Variants in LRP1B observed in about 807,000 individuals in gnomAD.
The protein encoded by LRP1B is low-density lipoprotein receptor-related protein 1B.
In LRP1B, 217 loss-of-function variants were observed where a neutral mutation model predicts 556.6. That is an observed-to-expected ratio of 0.39 (90% CI 0.35 to 0.44). The LOEUF is 0.44. LRP1B is among the 20% of genes least tolerant of loss of function. The pLI is 1.00. For synonymous variants in LRP1B, 2,047 were observed against 1,865.8 expected (o/e 1.10, Z -2.50); for missense variants, 5,053 against 5,620.8 (o/e 0.90, Z 3.23).
At chr2:141,814,855 G>A (rs1178388002) in intron 1 of LRP1B, among the ~76,000 whole-genome samples, 1 of 151,488 alleles carries the variant, frequency 6.6e-6, no homozygotes, top group Non-Finnish European at 1.5e-5. Context: ...GTGAGAAGAG[G>A]GTGGGGCATG....
intron 3 of LRP1B, among the ~76,000 whole-genome samples, chr2:141,393,087 G>C (rs76162632): frequency 1.3e-5 from 2 of 152,200 alleles, no homozygotes; most frequent in Non-Finnish European, 2.9e-5. Flanking sequence ...ACCCATATTG[G>C]ATGGCCAAAC....
At chr2:140,784,843 T>C (rs1689840520) in intron 32 of LRP1B, among the ~76,000 whole-genome samples, 1 of 151,550 alleles carries the variant, frequency 6.6e-6, no homozygotes, top group Non-Finnish European at 1.5e-5. Flanking sequence ...AGGAAGGAAA[T>C]AAACAGAAAA....
intron 1 of LRP1B, among the ~76,000 whole-genome samples, chr2:141,912,591 A>T (rs1007786030): frequency 5.9e-5 from 9 of 152,050 alleles, no homozygotes; most frequent in Non-Finnish European, 1.3e-4. Context: ...GAGAGTCGTT[A>T]TTTACTACAT....
intron 3 of LRP1B, among the ~76,000 whole-genome samples, chr2:141,266,536 A>T (rs946210136): frequency 2.6e-5 from 4 of 152,206 alleles, no homozygotes; most frequent in South Asian, 4.1e-4. Flanking sequence ...TTTTTTAAAA[A>T]ATCTGAGAGT....
intron 35 of LRP1B, among the ~76,000 whole-genome samples, chr2:140,728,113 C>T (rs761431150): frequency 1.3e-5 from 2 of 151,572 alleles, no homozygotes; most frequent in African/African-American, 2.4e-5. Flanking sequence ...GCTTGTCTAG[C>T]TTTTGTGTCC....
At chr2:141,866,113 G>T (rs959762747) in intron 1 of LRP1B, among the ~76,000 whole-genome samples, 1 of 152,186 alleles carries the variant, frequency 6.6e-6, no homozygotes, top group South Asian at 2.1e-4. Flanking sequence ...AGGGACATAG[G>T]CTATGTTTTT....
chr2:140,813,963 T>C (rs1302653361), intron 31 of LRP1B, among the ~76,000 whole-genome samples, 157 bp from the exon 32 acceptor site: 1 of 151,928 alleles, frequency 6.6e-6, no homozygotes, highest in African/African-American at 2.4e-5. Context: ...ACATATGGTG[T>C]TTTGGGTTTT....
intron 2 of LRP1B, among the ~76,000 whole-genome samples, chr2:141,491,766 G>T (rs1683342854): frequency 6.6e-6 from 1 of 152,124 alleles, no homozygotes; most frequent in Non-Finnish European, 1.5e-5. Context: ...ATGTGTTAGA[G>T]ATTGCCTCTG....
At chr2:140,972,770 G>A (rs968496615) in intron 18 of LRP1B, among the ~76,000 whole-genome samples, 1 of 151,640 alleles carries the variant, frequency 6.6e-6, no homozygotes, top group Non-Finnish European at 1.5e-5. Context: ...CTCCGAAACT[G>A]AGAGAAAATT....
intron 3 of LRP1B, among the ~76,000 whole-genome samples, chr2:141,455,972 G>A (rs958343459): frequency 6.6e-6 from 1 of 152,168 alleles, no homozygotes; most frequent in Non-Finnish European, 1.5e-5. Flanking sequence ...AGAAAATCAA[G>A]GTTTGAGGCT....
chr2:140,782,426 G>A (rs1242980736), intron 32 of LRP1B, among the ~76,000 whole-genome samples: 1 of 152,052 alleles, frequency 6.6e-6, no homozygotes, highest in Non-Finnish European at 1.5e-5. Context: ...TATGCACTGA[G>A]GAAAGGCCAT....
intron 3 of LRP1B, among the ~76,000 whole-genome samples, chr2:141,359,033 G>A (rs1223726654): frequency 6.6e-6 from 1 of 151,828 alleles, no homozygotes; most frequent in East Asian, 1.9e-4. Flanking sequence ...TTTTAAAAAT[G>A]TACATACTAT....
rs1680060505 is a variant in LRP1B, at chr2:140,539,649, T to A, written c.7513+1324A>T. The stretch of plus-strand genomic sequence containing the variant: ...GCTTCACTACTAGCCTGAAGTGACC[T>A]GTGAAAGAAACATGAGTGATTCTAA... On this transcript the variant is annotated intron_variant, in intron 45 of 90. Coordinates refer to ENST00000389484, the MANE Select transcript of LRP1B (RefSeq NM_018557.3). Among the ~76,000 whole-genome samples the A allele has an allele frequency of 2.6e-5, 4 of 152,254 alleles. No individual in the cohort carries two copies. In the South Asian group the frequency reaches 8.3e-4, roughly 32 times the overall value.
chr2:140,968,699 G>C (rs987835678), intron 18 of LRP1B, among the ~76,000 whole-genome samples: 3 of 152,034 alleles, frequency 2.0e-5, no homozygotes, highest in Non-Finnish European at 4.4e-5. Flanking sequence ...ACACTGCTTT[G>C]AATGTATCCC....
intron 3 of LRP1B, among the ~76,000 whole-genome samples, chr2:141,314,449 G>A (rs1398136198): frequency 1.3e-5 from 2 of 152,076 alleles, no homozygotes; most frequent in Admixed American, 6.6e-5. Flanking sequence ...GAAAATTGAA[G>A]ATTTGGTTTT....
intron 41 of LRP1B, among the ~76,000 whole-genome samples, chr2:140,684,296 G>C (rs973637521): frequency 1.3e-5 from 2 of 152,112 alleles, no homozygotes; most frequent in African/African-American, 4.8e-5. Context: ...ATTGAACTCT[G>C]TTCTCTAATG....
At chr2:140,667,674 T>A (rs1685326870) in intron 41 of LRP1B, among the ~76,000 whole-genome samples, 1 of 152,186 alleles carries the variant, frequency 6.6e-6, no homozygotes, top group South Asian at 2.1e-4. Context: ...ACACAGATAT[T>A]TTTATTCTTT....
At chr2:141,030,037 G>T (rs1698322297) in intron 11 of LRP1B, among the ~76,000 whole-genome samples, 1 of 152,106 alleles carries the variant, frequency 6.6e-6, no homozygotes. Flanking sequence ...TACCTTAAAA[G>T]TGAATGATAT....
At chr2:141,576,328 G>C (rs903077712) in intron 2 of LRP1B, among the ~76,000 whole-genome samples, 3 of 152,096 alleles carry the variant, frequency 2.0e-5, no homozygotes, top group Non-Finnish European at 4.4e-5. Context: ...TAACACATAA[G>C]TAACACATAA....
Sources: gnomAD v4.1 joint callset for allele counts (sites outside exome capture counted in the v4.1 genomes callset) on GRCh38, gnomAD v4.1.1 for gene constraint, MANE v1.5 for transcripts, NCBI Gene and HGNC (gene_info 2026-07-23, HGNC 2026-07-21) for gene names.